The following EPM2A variants were observed in gnomAD, a reference collection of about 807,000 sequenced individuals.
The protein encoded by EPM2A is EPM2A glucan phosphatase, laforin, also known as laforin.
EPM2A carries 21 observed loss-of-function variants against 26.5 expected under a neutral mutation model. That is an observed-to-expected ratio of 0.79 (90% CI 0.56 to 1.14). EPM2A has a LOEUF of 1.14. Ranked by LOEUF, EPM2A falls within the 50% of genes most tolerant of loss-of-function variation. The pLI, the probability that EPM2A is intolerant of heterozygous loss-of-function variation, is 0.00. For synonymous variants in EPM2A, 217 were observed against 177.6 expected (o/e 1.22, Z -1.76); for missense variants, 458 against 440.8 (o/e 1.04, Z -0.35).
At chr6:145,583,119 C>A (rs772099638) in intron 2 of EPM2A, among the ~76,000 whole-genome samples, 8 of 152,104 alleles carry the variant, frequency 5.3e-5, no homozygotes, top group Non-Finnish European at 7.4e-5. Context: ...TCTCGATGAT[C>A]TTTGTTCCTA....
chr6:145,387,392 C>T (rs1778277287), intron 4 of EPM2A, among the ~76,000 whole-genome samples: 1 of 152,108 alleles, frequency 6.6e-6, no homozygotes, highest in African/African-American at 2.4e-5. Flanking sequence ...GACCTAAAGC[C>T]ACTTTTCTTC....
chr6:145,408,687 G>T, intron 4 of EPM2A, among the ~76,000 whole-genome samples: 1 of 152,124 alleles, frequency 6.6e-6, no homozygotes, highest in East Asian at 1.9e-4. Context: ...ATGTGGTACT[G>T]TCTTAGTCAG....
intron 1 of EPM2A, 55 bp downstream of exon 1, chr6:145,735,143 G>T: frequency 2.2e-6 from 3 of 1,358,906 alleles, no homozygotes; most frequent in Non-Finnish European, 2.0e-6. Context: ...CCCCGGTTGG[G>T]GGTGCGGGCC....
intron 4 of EPM2A, among the ~76,000 whole-genome samples, chr6:145,436,774 T>C (rs1778994546): frequency 6.6e-6 from 1 of 152,144 alleles, no homozygotes; most frequent in African/African-American, 2.4e-5. Flanking sequence ...AGTTCACTGA[T>C]GCTTTCTTCT....
Position 145,626,099 on chromosome 6 carries a change from C to T in EPM2A, c.*1317G>A. On this transcript the variant is annotated 3_prime_UTR_variant, in exon 4 of 4. Coordinates refer to ENST00000367519, the MANE Select transcript of EPM2A (RefSeq NM_005670.4). Reference sequence around the variant, plus strand: ...TTAAACTGGATATGATTATATATCACCTTGCACATAGAGGCTCTCAATTAA... The same window carrying T: ...TTAAACTGGATATGATTATATATCATCTTGCACATAGAGGCTCTCAATTAA... 9.4e-7 allele frequency: 1 copy of T among 1,064,848 alleles called. No homozygotes were observed. Among genetic ancestry groups the T allele is most frequent in the Non-Finnish European group, 1.1e-6 (1 of 878,308 alleles). The allele number at this position is 1,064,848 out of a possible 1,614,324, so 66.0% of individuals were successfully genotyped here.
chr6:145,428,523 T>C (rs920577745), intron 4 of EPM2A, among the ~76,000 whole-genome samples: 2 of 152,224 alleles, frequency 1.3e-5, no homozygotes, highest in African/African-American at 4.8e-5. Context: ...CTCCTCATTG[T>C]AGGAGAATCA....
At chr6:145,586,165 G>T (rs1221839423) in intron 2 of EPM2A, among the ~76,000 whole-genome samples, 2 of 152,200 alleles carry the variant, frequency 1.3e-5, no homozygotes, top group African/African-American at 4.8e-5. Context: ...TTGGTAAACT[G>T]CAGTAGTCAA....
intron 2 of EPM2A, among the ~76,000 whole-genome samples, chr6:145,576,841 A>G (rs527480674): frequency 6.6e-6 from 1 of 152,098 alleles, no homozygotes; most frequent in Non-Finnish European, 1.5e-5. Flanking sequence ...AGACAATATA[A>G]AAAGGTATAG....
chr6:145,554,291 G>A (rs762856240), intron 2 of EPM2A, among the ~76,000 whole-genome samples: 4 of 151,836 alleles, frequency 2.6e-5, no homozygotes, highest in South Asian at 4.2e-4. Flanking sequence ...AGAAAAACCC[G>A]AGTTTTTCTG....
At chr6:145,658,979 A>G (rs902829458) in intron 2 of EPM2A, among the ~76,000 whole-genome samples, 2 of 152,190 alleles carry the variant, frequency 1.3e-5, no homozygotes, top group Admixed American at 6.5e-5. Context: ...ATTAAATGAT[A>G]TAAGAGGCGT....
At chr6:145,701,923 C>T (rs527445130) in intron 1 of EPM2A, among the ~76,000 whole-genome samples, 109 of 152,198 alleles carry the variant, frequency 7.2e-4, no homozygotes, top group African/African-American at 2.6e-3. Context: ...ACAAAAAAAG[C>T]GAGCAAGAAA....
At chr6:145,578,668 A>G (rs1040333438) in intron 2 of EPM2A, among the ~76,000 whole-genome samples, 1 of 152,226 alleles carries the variant, frequency 6.6e-6, no homozygotes, top group Non-Finnish European at 1.5e-5. Context: ...GAGGAGAAGT[A>G]AATAGCTATC....
At chr6:145,433,438 T>G (rs1402597700) in intron 4 of EPM2A, among the ~76,000 whole-genome samples, 1 of 152,214 alleles carries the variant, frequency 6.6e-6, no homozygotes, top group African/African-American at 2.4e-5. Flanking sequence ...TTCTTTTTAT[T>G]CTGTATACTC....
intron 4 of EPM2A, among the ~76,000 whole-genome samples, chr6:145,427,824 A>T (rs1307880073): frequency 6.6e-6 from 1 of 152,022 alleles, no homozygotes; most frequent in Non-Finnish European, 1.5e-5. Flanking sequence ...CTACTTTCTT[A>T]TTGTTAGTAT....
intron 4 of EPM2A, among the ~76,000 whole-genome samples, chr6:145,414,571 A>G (rs936883398): frequency 6.6e-6 from 1 of 152,084 alleles, no homozygotes; most frequent in Non-Finnish European, 1.5e-5. Flanking sequence ...TTGAAATATT[A>G]AGAGGAATGC....
At chr6:145,709,071 C>A (rs778064621) in intron 1 of EPM2A, among the ~76,000 whole-genome samples, 39 of 152,194 alleles carry the variant, frequency 2.6e-4, no homozygotes, top group Non-Finnish European at 4.1e-4. Context: ...TACCCACTGT[C>A]TGCATCCCCA....
At chr6:145,679,266 G>A (rs1780315209) in intron 2 of EPM2A, among the ~76,000 whole-genome samples, 1 of 151,450 alleles carries the variant, frequency 6.6e-6, no homozygotes, top group Non-Finnish European at 1.5e-5. Context: ...TCAGGGGGTG[G>A]GGTACTGGGG....
At chr6:145,725,093 T>C (rs1776133423) in intron 1 of EPM2A, among the ~76,000 whole-genome samples, 1 of 151,984 alleles carries the variant, frequency 6.6e-6, no homozygotes. Flanking sequence ...AAGACTTGTA[T>C]CCAAAATATA....
chr6:145,467,301 G>T (rs1278582100), intron 4 of EPM2A, among the ~76,000 whole-genome samples: 2 of 152,078 alleles, frequency 1.3e-5, no homozygotes, highest in Non-Finnish European at 2.9e-5. Flanking sequence ...TTTCCAAACT[G>T]TCAAAAAGTT....
Sources: gnomAD v4.1 joint callset for allele counts (sites outside exome capture counted in the v4.1 genomes callset) on GRCh38, gnomAD v4.1.1 for gene constraint, MANE v1.5 for transcripts, NCBI Gene and HGNC (gene_info 2026-07-23, HGNC 2026-07-21) for gene names.